CHRM3: variants seen among roughly 807,000 people sequenced by gnomAD.
The protein encoded by CHRM3 is cholinergic receptor muscarinic 3.
In CHRM3, 11 loss-of-function variants were observed where a neutral mutation model predicts 41.8. The observed-to-expected ratio is 0.26, with a 90% CI of 0.17 to 0.44. The LOEUF (loss-of-function observed/expected upper bound fraction) is 0.44, where lower values mean the gene tolerates loss of function less well. CHRM3 is among the 20% of genes least tolerant of loss of function. The pLI is 1.00. For missense variants in CHRM3, 571 were observed against 745.4 expected (o/e 0.77, Z 2.72); for synonymous variants, 297 against 301.4 (o/e 0.99, Z 0.15).
intron 1 of CHRM3, among the ~76,000 whole-genome samples, chr1:239,443,231 A>G (rs1424812414): frequency 6.6e-6 from 1 of 152,190 alleles, no homozygotes; most frequent in Non-Finnish European, 1.5e-5. Flanking sequence ...TTCACAGAGG[A>G]TGAAAGTCAT....
intron 5 of CHRM3, among the ~76,000 whole-genome samples, chr1:239,786,172 G>C (rs1668877924): frequency 6.6e-6 from 1 of 151,862 alleles, no homozygotes; most frequent in South Asian, 2.1e-4. Context: ...ATTTCAGAAG[G>C]ACTGGATATT....
In CHRM3 at chr1:239,869,215, G is replaced by A. The variant is rs868171744; in HGVS notation, c.-19-38218G>A. On this transcript the variant is annotated intron_variant, in intron 6 of 6. Transcript: ENST00000676153. ...GCACCTGGGCAGGACACCCAGCAGC[G>A]TGCACTAAAAGGAACCATATGGTAC... Among the ~76,000 whole-genome samples, 45 of 152,190 alleles carry A rather than the reference G, an allele frequency of 3.0e-4. 1 individual carries two copies. Among genetic ancestry groups the A allele is most frequent in the African/African-American group, 1.1e-3 (44 of 41,520 alleles).
intron 5 of CHRM3, among the ~76,000 whole-genome samples, chr1:239,702,863 A>G (rs912389630): frequency 6.6e-6 from 1 of 152,242 alleles, no homozygotes; most frequent in Non-Finnish European, 1.5e-5. Flanking sequence ...GTTACAGGTA[A>G]CTTTCTTTGT....
intron 5 of CHRM3, among the ~76,000 whole-genome samples, chr1:239,819,698 C>T (rs924735667): frequency 3.9e-5 from 6 of 152,186 alleles, no homozygotes; most frequent in Admixed American, 6.5e-5. Flanking sequence ...AAGGCACAAT[C>T]ACCATGAGCT....
intron 5 of CHRM3, among the ~76,000 whole-genome samples, chr1:239,799,556 A>T (rs1670050499): frequency 2.0e-5 from 3 of 152,138 alleles, no homozygotes; most frequent in Admixed American, 2.0e-4. Flanking sequence ...CAATGTACCC[A>T]TGTCCACAGG....
intron 4 of CHRM3, among the ~76,000 whole-genome samples, chr1:239,644,846 G>A (rs1671597065): frequency 1.3e-5 from 2 of 152,204 alleles, no homozygotes; most frequent in Admixed American, 1.3e-4. Context: ...ACAGGGCCCA[G>A]CAGGGTCCCA....
chr1:239,632,847 A>G (rs1669996778), intron 4 of CHRM3, among the ~76,000 whole-genome samples: 1 of 152,236 alleles, frequency 6.6e-6, no homozygotes, highest in African/African-American at 2.4e-5. Flanking sequence ...TACAGCTATA[A>G]AAACACTACC....
chr1:239,654,756 T>C (rs970669391), intron 4 of CHRM3, among the ~76,000 whole-genome samples: 1 of 152,304 alleles, frequency 6.6e-6, no homozygotes, highest in African/African-American at 2.4e-5. Context: ...TTGGAACATA[T>C]ATCTGGCGTC....
intron 5 of CHRM3, among the ~76,000 whole-genome samples, chr1:239,709,087 C>T (rs756933908): frequency 1.3e-5 from 2 of 151,968 alleles, no homozygotes; most frequent in Non-Finnish European, 2.9e-5. Flanking sequence ...TCTGTTTCTA[C>T]CTATTTATTT....
At chr1:239,515,416 T>TTC (rs1223952783) in intron 2 of CHRM3, among the ~76,000 whole-genome samples, 1 of 151,462 alleles carries the variant, frequency 6.6e-6, no homozygotes, top group Non-Finnish European at 1.5e-5. Flanking sequence ...TTTTTTGTTT[T>TTC]TTTTTTTTTT....
intron 2 of CHRM3, among the ~76,000 whole-genome samples, chr1:239,543,626 GCCT>G (rs1277124123): frequency 6.6e-6 from 1 of 151,750 alleles, no homozygotes; most frequent in Non-Finnish European, 1.5e-5. Flanking sequence ...TCCTGCCTCA[GCCT>G]CCCAAGTATC....
At chr1:239,829,309 T>C (rs1404056181) in intron 6 of CHRM3, among the ~76,000 whole-genome samples, 1 of 152,104 alleles carries the variant, frequency 6.6e-6, no homozygotes, top group Non-Finnish European at 1.5e-5. Context: ...CCAAAAGCTA[T>C]AGTATTGGTG....
intron 6 of CHRM3, among the ~76,000 whole-genome samples, chr1:239,897,183 C>G (rs967997237): frequency 6.6e-6 from 1 of 152,186 alleles, no homozygotes; most frequent in Non-Finnish European, 1.5e-5. Context: ...CTTCTACTCT[C>G]TTTGCAAATA....
At chr1:239,410,571 C>T (rs908395079) in intron 1 of CHRM3, among the ~76,000 whole-genome samples, 17 of 152,264 alleles carry the variant, frequency 1.1e-4, no homozygotes, top group Middle Eastern at 6.8e-3. Context: ...GTTCTGGCCA[C>T]GGCGAGACAG....
intron 2 of CHRM3, among the ~76,000 whole-genome samples, chr1:239,526,948 C>T (rs561589004): frequency 4.6e-5 from 7 of 152,020 alleles, no homozygotes; most frequent in Non-Finnish European, 8.8e-5. Flanking sequence ...TAGGGAGACC[C>T]TGTCTCTATA....
intron 6 of CHRM3, among the ~76,000 whole-genome samples, chr1:239,884,998 A>G (rs2217533): frequency 0.086 from 13,121 of 152,234 alleles, 606 homozygotes; most frequent in Non-Finnish European, 0.1. Flanking sequence ...AGACCTTACA[A>G]CAATCTGACT....
chr1:239,555,404 G>A (rs560432574), intron 3 of CHRM3, among the ~76,000 whole-genome samples: 20 of 152,314 alleles, frequency 1.3e-4, no homozygotes, highest in African/African-American at 4.8e-4. Flanking sequence ...AATATGGGAT[G>A]TGCACTTGAG....
chr1:239,614,803 C>T (rs193037300), intron 3 of CHRM3, among the ~76,000 whole-genome samples: 6 of 152,206 alleles, frequency 3.9e-5, no homozygotes, highest in Admixed American at 3.3e-4. Context: ...GGTTTAAGGA[C>T]AACAGTGTGC....
intron 3 of CHRM3, among the ~76,000 whole-genome samples, chr1:239,582,724 C>T (rs1176529826): frequency 2.6e-5 from 4 of 152,134 alleles, no homozygotes; most frequent in African/African-American, 9.7e-5. Flanking sequence ...GTTACTAAAA[C>T]AGCGTAATAA....
Sources: gnomAD v4.1 joint callset for allele counts (sites outside exome capture counted in the v4.1 genomes callset) on GRCh38, gnomAD v4.1.1 for gene constraint, MANE v1.5 for transcripts, NCBI Gene and HGNC (gene_info 2026-07-23, HGNC 2026-07-21) for gene names.